The following C22orf23 variants were observed in gnomAD, a reference collection of about 807,000 sequenced individuals.
The protein encoded by C22orf23 is UPF0193 protein EVG1.
A neutral mutation model predicts 29.7 loss-of-function variants in C22orf23; 30 were observed. That is an observed-to-expected ratio of 1.01 (90% CI 0.76 to 1.37). The LOEUF (loss-of-function observed/expected upper bound fraction) is 1.37, where lower values mean the gene tolerates loss of function less well. Among genes scored for constraint, C22orf23 ranks in the 40% most tolerant of loss-of-function variants. C22orf23 has a pLI of 0.00. For missense variants in C22orf23, 237 were observed against 273.1 expected (o/e 0.87, Z 0.93); for synonymous variants, 90 against 96.1 (o/e 0.94, Z 0.37).
chr22:37,944,753 G>A (rs1457775923), intron 5 of C22orf23: 2 of 563,702 alleles, frequency 3.5e-6, no homozygotes, highest in East Asian at 6.1e-5. Context: ...ACAAAAATTA[G>A]CCAGGCATGG....
chr22:37,947,449 G>GCC lies in C22orf23; in HGVS notation c.180_181insGG (p.Pro61GlyfsTer19). 6.3e-7 allele frequency: 1 copy of GCC among 1,587,666 alleles called. No individual in the cohort carries two copies. Among genetic ancestry groups the GCC allele is most frequent in the Non-Finnish European group, 8.6e-7 (1 of 1,166,040 alleles). On this transcript the variant is annotated frameshift_variant, in exon 4 of 7. Transcript: ENST00000403305. LOFTEE classifies it high-confidence loss of function. ...CTGGATGTTGGGCTGCACTGTAGGG[G>GCC]CAAAGCATCTCCTCCTGGGGAACGA...
chr22:37,944,696 C>G, intron 5 of C22orf23, 179 bp from the exon 6 acceptor site: 1 of 590,764 alleles, frequency 1.7e-6, no homozygotes, highest in Non-Finnish European at 3.0e-6. Context: ...GTCAGGAGTT[C>G]GAGACCAGCC....
At chr22:37,949,787 C>T (rs1001358582) in intron 3 of C22orf23, among the ~76,000 whole-genome samples, 9 of 152,040 alleles carry the variant, frequency 5.9e-5, no homozygotes, top group African/African-American at 2.2e-4. Flanking sequence ...GGGTGCCTGT[C>T]TACCTTTTCT....
At chr22:37,944,595 T>C in intron 5 of C22orf23, 78 bp from the exon 6 acceptor site, 1 of 1,281,608 alleles carries the variant, frequency 7.8e-7, no homozygotes, top group Non-Finnish European at 1.1e-6. Context: ...GAGGAAGTGG[T>C]TCTATTGTCA....
At position 37,943,967 on chromosome 22, in the gene C22orf23, G is replaced by A. The variant is rs1251408316; in HGVS notation, c.*208C>T. On this transcript the variant is annotated 3_prime_UTR_variant, in exon 7 of 7. Transcript: ENST00000403305. ...CTCGGGCTTTGCTTCTCTGCGGACG[G>A]GGCTGTGAGTCTCAGAGGCTCCATC... 1.5e-5 allele frequency: 9 copies of A among 612,578 alleles called. No individual in the cohort carries two copies. In the Admixed American group the frequency reaches 2.4e-4, roughly 17 times the overall value. 37.9% of individuals were successfully genotyped at this position (612,578 alleles called of 1,614,324 possible).
intron 2 of C22orf23, chr22:37,952,539 G>A (rs945002339): frequency 2.7e-5 from 1 of 36,588 alleles, no homozygotes; most frequent in Non-Finnish European, 5.7e-5. Context: ...CCTCCCCCCC[G>A]CCCCGCCCCG....
chr22:37,951,367 T>C (rs1931000005), intron 3 of C22orf23, 93 bp downstream of exon 3: 4 of 1,155,314 alleles, frequency 3.5e-6, no homozygotes, highest in Non-Finnish European at 5.1e-6. Context: ...TTGTTTTTTT[T>C]ATATGAGGTC....
rs964152002 is a variant in C22orf23 at position 37,953,511 on chromosome 22, C to T, written c.-73G>A. The T allele has an allele frequency of 8.9e-6, 5 of 560,612 alleles. No homozygotes were observed. The Admixed American group carries it at 1.7e-4, about 19-fold the overall frequency. 34.7% of individuals were successfully genotyped at this position (560,612 alleles called of 1,614,324 possible). On this transcript the variant is annotated 5_prime_UTR_variant, in exon 1 of 7. The change creates a new upstream start codon in the 5' untranslated region. Coordinates refer to ENST00000403305, the MANE Select transcript of C22orf23 (RefSeq NM_032561.5). Reference sequence around the variant, plus strand: ...AGTGGGCTCCCGGAGGCGGTGACCACTGCTTTACAGCCGCATCCGCACCGG... The same window carrying T: ...AGTGGGCTCCCGGAGGCGGTGACCATTGCTTTACAGCCGCATCCGCACCGG...
chr22:37,944,945 CT>C, intron 5 of C22orf23, 96 bp downstream of exon 5: 1 of 1,261,264 alleles, frequency 7.9e-7, no homozygotes, highest in Non-Finnish European at 1.1e-6. Flanking sequence ...CTTGTTGGCC[CT>C]TGGCCCTCAG....
chr22:37,948,447 CAAAA>C (rs202112588), intron 3 of C22orf23, among the ~76,000 whole-genome samples: 1 of 150,566 alleles, frequency 6.6e-6, no homozygotes, highest in Non-Finnish European at 1.5e-5. Context: ...AAGACTGTCT[CAAAA>C]AAACCCCCAA....
chr22:37,951,223 A>AT, intron 3 of C22orf23: 1 of 397,528 alleles, frequency 2.5e-6, no homozygotes, highest in East Asian at 4.3e-5. Flanking sequence ...AAAAAAAAAA[A>AT]GGTTTTGTGG....
chr22:37,949,446 C>G (rs1435009351), intron 3 of C22orf23, among the ~76,000 whole-genome samples: 1 of 130,090 alleles, frequency 7.7e-6, no homozygotes, highest in East Asian at 2.2e-4. Context: ...CCACGCCTGG[C>G]TAATTTTTTT....
intron 3 of C22orf23, 135 bp downstream of exon 3, chr22:37,951,325 A>C (rs1671415587): frequency 1.3e-6 from 1 of 772,858 alleles, no homozygotes; most frequent in African/African-American, 1.7e-5. Context: ...CAGTGTTGGA[A>C]TTACAGGCAT....
At chr22:37,952,706 G>T in intron 2 of C22orf23, 1 of 211,504 alleles carries the variant, frequency 4.7e-6, no homozygotes, top group South Asian at 8.5e-5. Flanking sequence ...TTAACTCAGG[G>T]GTCCCCAACC....
At chr22:37,953,243 G>A in intron 1 of C22orf23, 85 bp from the exon 2 acceptor site, 1 of 939,998 alleles carries the variant, frequency 1.1e-6, no homozygotes, top group Non-Finnish European at 1.6e-6. Context: ...CCAGAAGTCT[G>A]GAAGCGGGGA....
chr22:37,943,344 T>C lies in C22orf23; in HGVS notation c.*831A>G, dbSNP rs1251260763. ...AAAGGTCACGCGGCACATGCAGGGA[T>C]TGGAACTCCCAGGCCAGGGCTCTAG... On this transcript the variant is annotated 3_prime_UTR_variant, in exon 7 of 7. Coordinates refer to ENST00000403305, the MANE Select transcript of C22orf23 (RefSeq NM_032561.5). 1.3e-5 allele frequency: 2 copies of C among 152,172 alleles called. No homozygotes were observed. Among genetic ancestry groups the C allele is most frequent in the South Asian group, 2.1e-4 (1 of 4,832 alleles). The allele number at this position is 152,172 out of a possible 1,614,324, so 9.4% of individuals were successfully genotyped here.
At position 37,944,522 on chromosome 22, in the gene C22orf23, A is replaced by G; in HGVS notation, c.482-5T>C. 1.2e-6 allele frequency: 2 copies of G among 1,612,770 alleles called. No individual in the cohort carries two copies. Among genetic ancestry groups the G allele is most frequent in the Non-Finnish European group, 1.7e-6 (2 of 1,179,076 alleles). On this transcript the variant is annotated splice_region_variant and splice_polypyrimidine_tract_variant and intron_variant, in intron 5 of 6. Coordinates refer to ENST00000403305, the MANE Select transcript of C22orf23 (RefSeq NM_032561.5). ...TCTCCTGGATTTCCTTCACCACTGG[A>G]CAGAGGAGAGGGCTGTCAGGTTCCC...
chr22:37,945,016 G>A (rs753520745), intron 5 of C22orf23, 26 bp downstream of exon 5: 1 of 1,572,218 alleles, frequency 6.4e-7, no homozygotes, highest in South Asian at 1.2e-5. Context: ...CCCACCCCCA[G>A]CATGACTGGT....
Position 37,946,116 on chromosome 22 carries a change from C to A in C22orf23, c.350-943G>T, listed in dbSNP as rs558488130. 4.6e-3 allele frequency among the ~76,000 whole-genome samples: 692 copies of A among 151,888 alleles called. 5 individuals are homozygous for A. The highest frequency in any genetic ancestry group is 0.016 in the Admixed American group (250 of 15,234). ...TACTAAAAATACAAAAAAATTAGCC[C>A]GGCGTGATGGCAGGTGCCTGTAGTC... On this transcript the variant is annotated intron_variant, in intron 4 of 6. Coordinates refer to ENST00000403305, the MANE Select transcript of C22orf23 (RefSeq NM_032561.5).
Sources: gnomAD v4.1 joint callset for allele counts (sites outside exome capture counted in the v4.1 genomes callset) on GRCh38, gnomAD v4.1.1 for gene constraint, MANE v1.5 for transcripts, NCBI Gene and HGNC (gene_info 2026-07-23, HGNC 2026-07-21) for gene names.